SPATA16: variants seen among roughly 807,000 people sequenced by gnomAD.
The protein encoded by SPATA16 is spermatogenesis associated 16, also known as spermatogenesis-associated protein 16.
A neutral mutation model predicts 63.3 loss-of-function variants in SPATA16; 36 were observed. The ratio of observed to expected loss-of-function variants is 0.57; its 90% CI spans 0.44 to 0.75. The LOEUF (loss-of-function observed/expected upper bound fraction) is 0.75, where lower values mean the gene tolerates loss of function less well. SPATA16 is among the 30% of genes least tolerant of loss of function. SPATA16 has a pLI of 0.00. For missense variants in SPATA16, 646 were observed against 679.3 expected (o/e 0.95, Z 0.54); for synonymous variants, 203 against 216.7 (o/e 0.94, Z 0.56).
chr3:173,059,476 T>C (rs1420880664), intron 2 of SPATA16, among the ~76,000 whole-genome samples: 1 of 151,984 alleles, frequency 6.6e-6, no homozygotes, highest in Non-Finnish European at 1.5e-5. Context: ...TCTTACTTTT[T>C]CTTATATATA....
chr3:173,118,659 C>T (rs576080188), intron 1 of SPATA16, among the ~76,000 whole-genome samples: 19 of 152,280 alleles, frequency 1.2e-4, no homozygotes, highest in Non-Finnish European at 2.4e-4. Context: ...ACAGGGACCA[C>T]ATTTTGCAAA....
chr3:173,023,040 T>C (rs1735370167), intron 3 of SPATA16, among the ~76,000 whole-genome samples: 1 of 151,972 alleles, frequency 6.6e-6, no homozygotes, highest in South Asian at 2.1e-4. Context: ...AACAAATTTG[T>C]TACCTGTGGT....
intron 10 of SPATA16, among the ~76,000 whole-genome samples, chr3:172,892,544 A>C (rs1416306037): frequency 6.6e-6 from 1 of 152,330 alleles, no homozygotes; most frequent in South Asian, 2.1e-4. Context: ...AAGTAAGTCA[A>C]TTTTAGCTTC....
At chr3:173,099,236 GAC>G (rs1228322527) in intron 2 of SPATA16, among the ~76,000 whole-genome samples, 2 of 152,036 alleles carry the variant, frequency 1.3e-5, no homozygotes, top group Non-Finnish European at 2.9e-5. Flanking sequence ...GAGAGAAAGA[GAC>G]AGAAAGAGAG....
At chr3:172,939,866 AT>A (rs556454095) in intron 6 of SPATA16, among the ~76,000 whole-genome samples, 97 of 152,294 alleles carry the variant, frequency 6.4e-4, no homozygotes, top group South Asian at 2.3e-3. Context: ...CAACTATGTG[AT>A]TAGAGGCTTG....
At chr3:173,011,746 T>G (rs905461750) in intron 4 of SPATA16, among the ~76,000 whole-genome samples, 1 of 152,034 alleles carries the variant, frequency 6.6e-6, no homozygotes, top group Non-Finnish European at 1.5e-5. Flanking sequence ...TTCAGTAAAG[T>G]TTTGGGATAC....
chr3:173,029,406 G>GTTTTT (rs57233262), intron 3 of SPATA16, among the ~76,000 whole-genome samples: 13 of 139,862 alleles, frequency 9.3e-5, no homozygotes, highest in African/African-American at 2.8e-4. Flanking sequence ...AGTAATCAGA[G>GTTTTT]TTTTTTTTTT....
intron 2 of SPATA16, among the ~76,000 whole-genome samples, chr3:173,057,621 C>T (rs1736268076): frequency 1.3e-5 from 2 of 152,080 alleles, no homozygotes; most frequent in African/African-American, 2.4e-5. Context: ...AATTTAAATA[C>T]TGCTAACTTA....
At chr3:172,918,220 GCTTT>G (rs1366672234) in intron 8 of SPATA16, among the ~76,000 whole-genome samples, 1 of 152,168 alleles carries the variant, frequency 6.6e-6, no homozygotes, top group Non-Finnish European at 1.5e-5. Context: ...AAGAAAAATT[GCTTT>G]CTTTGTCCTT....
intron 5 of SPATA16, among the ~76,000 whole-genome samples, chr3:172,971,197 A>G (rs1336222062): frequency 1.3e-5 from 2 of 152,200 alleles, no homozygotes; most frequent in Non-Finnish European, 2.9e-5. Context: ...GAAACCTGCA[A>G]CTTTCTTCAA....
At chr3:173,010,276 G>T (rs563516672) in intron 4 of SPATA16, among the ~76,000 whole-genome samples, 1 of 152,150 alleles carries the variant, frequency 6.6e-6, no homozygotes, top group Non-Finnish European at 1.5e-5. Flanking sequence ...GGTTGGGAGG[G>T]AACAAAGAGC....
chr3:172,910,639 G>T (rs1732350019), intron 10 of SPATA16, among the ~76,000 whole-genome samples: 3 of 151,314 alleles, frequency 2.0e-5, no homozygotes, highest in African/African-American at 7.3e-5. Context: ...TGATTATATT[G>T]CTTGAGTCTC....
At chr3:172,899,903 A>C (rs1274031779) in intron 10 of SPATA16, among the ~76,000 whole-genome samples, 1 of 152,108 alleles carries the variant, frequency 6.6e-6, no homozygotes, top group Non-Finnish European at 1.5e-5. Flanking sequence ...ATTTTTAATT[A>C]CCTTAAATCC....
chr3:173,015,474 C>A (rs1735161287), intron 4 of SPATA16, among the ~76,000 whole-genome samples: 1 of 152,188 alleles, frequency 6.6e-6, no homozygotes, highest in Admixed American at 6.5e-5. Flanking sequence ...AGACCCTGTG[C>A]AATGTTATAT....
rs901999706 is a variant in SPATA16 at position 173,006,859 on chromosome 3, A to G, written c.848+12627T>C. ...TTGTAAGCCAAGAAAAAAAAAAGAA[A>G]GAAATAAGCTGCTGCTTGGCAAAAA... On this transcript the variant is annotated intron_variant, in intron 4 of 10. Coordinates refer to ENST00000351008, the MANE Select transcript of SPATA16 (RefSeq NM_031955.6). Among the ~76,000 whole-genome samples the G allele has an allele frequency of 7.9e-5, 12 of 152,336 alleles. No homozygotes were observed. The East Asian group carries it at 2.3e-3, about 29-fold the overall frequency.
chr3:172,927,801 ACT>A (rs540135253), intron 6 of SPATA16, among the ~76,000 whole-genome samples: 2 of 152,144 alleles, frequency 1.3e-5, no homozygotes, highest in Admixed American at 6.5e-5. Context: ...GCCAGTAAAC[ACT>A]CTCTATCTAG....
chr3:172,967,588 C>G (rs1478707371), intron 5 of SPATA16, among the ~76,000 whole-genome samples: 2 of 152,152 alleles, frequency 1.3e-5, no homozygotes, highest in African/African-American at 4.8e-5. Flanking sequence ...GATCCCCAAC[C>G]AGGCCACAAA....
chr3:172,910,812 T>A (rs1732356456), intron 10 of SPATA16, among the ~76,000 whole-genome samples: 1 of 152,222 alleles, frequency 6.6e-6, no homozygotes, highest in African/African-American at 2.4e-5. Flanking sequence ...CTAATGACAA[T>A]TTGCCAATGA....
At chr3:173,003,009 A>C (rs1020261401) in intron 4 of SPATA16, among the ~76,000 whole-genome samples, 2 of 152,176 alleles carry the variant, frequency 1.3e-5, no homozygotes, top group African/African-American at 4.8e-5. Context: ...AGATTTTTTT[A>C]AACTCAAACA....
Sources: allele counts gnomAD v4.1 joint callset (sites outside exome capture counted in the v4.1 genomes callset), GRCh38; gene constraint gnomAD v4.1.1; transcripts MANE v1.5; gene names NCBI Gene and HGNC (gene_info 2026-07-23, HGNC 2026-07-21).